ACBD3: variants seen among roughly 807,000 people sequenced by gnomAD.
The protein encoded by ACBD3 is Golgi resident protein GCP60.
In ACBD3, 30 loss-of-function variants were observed where a neutral mutation model predicts 66.9. The observed-to-expected ratio is 0.45, with a 90% CI of 0.34 to 0.61. The LOEUF is 0.61. ACBD3 is among the 20% of genes least tolerant of loss of function. The pLI, the probability that ACBD3 is intolerant of heterozygous loss-of-function variation, is 0.02. For missense variants in ACBD3, 544 were observed against 664.5 expected (o/e 0.82, Z 1.99); for synonymous variants, 278 against 259.8 (o/e 1.07, Z -0.68).
intron 7 of ACBD3, among the ~76,000 whole-genome samples, chr1:226,148,509 C>T (rs1337948416): frequency 6.6e-6 from 1 of 152,190 alleles, no homozygotes; most frequent in Non-Finnish European, 1.5e-5. Context: ...CTATTGTTGA[C>T]ATCCAAGAAA....
rs571889808 is a variant in ACBD3 at position 226,151,575 on chromosome 1, T to A, written c.1375+760A>T. On this transcript the variant is annotated intron_variant, in intron 7 of 7. Transcript: ENST00000366812. ...TTTCCAAATGGAAAAATAATTGAAATTTTTTTAAGTGGACTATTCTGGTGA... is the reference window on the plus strand; with the variant it reads ...TTTCCAAATGGAAAAATAATTGAAAATTTTTTAAGTGGACTATTCTGGTGA... 1.4e-4 allele frequency among the ~76,000 whole-genome samples: 22 copies of A among 152,312 alleles called. No homozygotes were observed. The South Asian group carries it at 3.7e-3, about 26-fold the overall frequency.
At chr1:226,181,086 A>G (rs1449820237) in intron 1 of ACBD3, among the ~76,000 whole-genome samples, 1 of 151,954 alleles carries the variant, frequency 6.6e-6, no homozygotes, top group Non-Finnish European at 1.5e-5. Context: ...CTCAAATTTA[A>G]CATGAACTTG....
In ACBD3 at chr1:226,186,412, G is replaced by A. The variant is rs1246181662; in HGVS notation, c.264C>T (p.Gly88=). ...CACCTTTGAAGAAGCGCAGTGCCAGGCCGTACAACTCCTCCAGGCCGAAAC... is the reference window on the plus strand; with the variant it reads ...CACCTTTGAAGAAGCGCAGTGCCAGACCGTACAACTCCTCCAGGCCGAAAC... The part of the protein sequence containing the change: ...RWGFGLEELY[G]LALRFFKEKD... Residue 88 remains glycine (G), a synonymous_variant, in exon 1 of 8, where the codon GGC becomes GGT. Coordinates refer to ENST00000366812, the MANE Select transcript of ACBD3 (RefSeq NM_022735.4). The A allele has an allele frequency of 2.0e-6, 3 of 1,524,028 alleles. No homozygotes were observed. The Admixed American group carries it at 6.1e-5, about 31-fold the overall frequency. The allele number at this position is 1,524,028 out of a possible 1,614,324, so 94.4% of individuals were successfully genotyped here.
Position 226,159,351 on chromosome 1 carries a change from T to C in ACBD3, c.736A>G (p.Ile246Val). 1.2e-6 allele frequency: 2 copies of C among 1,614,146 alleles called. No individual in the cohort carries two copies. Among genetic ancestry groups the C allele is most frequent in the African/African-American group, 2.7e-5 (2 of 75,048 alleles). Residue 246 changes from isoleucine to valine, a missense_variant, in exon 5 of 8, where the codon ATA (isoleucine) becomes GTA (valine). Transcript: ENST00000366812. ...RLRLEQQKQQ[I>V]MAALNSQTAV... ...GTCTGGGAGTTTAAAGCTGCCATTA[T>C]CTGCTGCCTAAAAACATTAAAAATA...
intron 1 of ACBD3, among the ~76,000 whole-genome samples, chr1:226,169,085 A>G (rs1049852697): frequency 6.6e-6 from 1 of 151,892 alleles, no homozygotes; most frequent in African/African-American, 2.4e-5. Context: ...CTGGTCTCCA[A>G]CTTCTGACCT....
At chr1:226,151,765 T>C (rs1659576577) in intron 7 of ACBD3, among the ~76,000 whole-genome samples, 1 of 152,158 alleles carries the variant, frequency 6.6e-6, no homozygotes, top group South Asian at 2.1e-4. Flanking sequence ...CCCAGCACTT[T>C]GGGAGGCCGA....
In ACBD3 at chr1:226,146,943, G is replaced by A. The variant is rs574740995; in HGVS notation, c.1376-122C>T. The A allele has an allele frequency of 2.3e-5, 21 of 910,450 alleles. No individual in the cohort carries two copies. In the East Asian group the frequency reaches 5.3e-4, roughly 23 times the overall value. 56.4% of individuals were successfully genotyped at this position (910,450 alleles called of 1,614,324 possible). A position where few individuals can be genotyped will look rare whatever the true frequency, so the allele number is the denominator to read the frequency against. The stretch of plus-strand genomic sequence containing the variant: ...GTCTTGCTCTGTCACCCAGGATGGA[G>A]TGCAGCGGCGTGATCTCAGCTCATT... On this transcript the variant is annotated intron_variant, in intron 7 of 7. Transcript: ENST00000366812.
chr1:226,175,985 G>C (rs892885281), intron 1 of ACBD3, among the ~76,000 whole-genome samples: 2 of 152,198 alleles, frequency 1.3e-5, no homozygotes, highest in African/African-American at 4.8e-5. Flanking sequence ...TACTTGCAAA[G>C]GCAGAATTAA....
intron 1 of ACBD3, among the ~76,000 whole-genome samples, chr1:226,178,489 G>A (rs1162228921): frequency 1.4e-5 from 2 of 146,916 alleles, no homozygotes; most frequent in Non-Finnish European, 3.0e-5. Flanking sequence ...GCAGGAGAAT[G>A]GCGTGAACCC....
intron 1 of ACBD3, among the ~76,000 whole-genome samples, chr1:226,169,747 C>T (rs1429468776): frequency 6.7e-6 from 1 of 149,998 alleles, no homozygotes; most frequent in African/African-American, 2.5e-5. Context: ...AGCAGCCGGG[C>T]ACAGTGGCTC....
chr1:226,165,363 G>A (rs1659857321), intron 2 of ACBD3, among the ~76,000 whole-genome samples: 1 of 151,992 alleles, frequency 6.6e-6, no homozygotes, highest in Non-Finnish European at 1.5e-5. Flanking sequence ...TAGAGATGGG[G>A]TTTTACTATG....
At position 226,146,121 on chromosome 1, in the gene ACBD3, A is replaced by G. The variant is rs563745411; in HGVS notation, c.*489T>C. Reference sequence around the variant, plus strand: ...TCAAACTGAGGCCATTTCTTTTTCTATTATAATCTGTGAGGTGTTGAGTTT... The same window carrying G: ...TCAAACTGAGGCCATTTCTTTTTCTGTTATAATCTGTGAGGTGTTGAGTTT... On this transcript the variant is annotated 3_prime_UTR_variant, in exon 8 of 8. Coordinates refer to ENST00000366812, the MANE Select transcript of ACBD3 (RefSeq NM_022735.4). 1 of 154,648 alleles carries G rather than the reference A, an allele frequency of 6.5e-6. No individual in the cohort carries two copies. The highest frequency in any genetic ancestry group is 1.9e-4 in the East Asian group (1 of 5,214). 9.6% of individuals were successfully genotyped at this position (154,648 alleles called of 1,614,324 possible). A position where few individuals can be genotyped will look rare whatever the true frequency, so the allele number is the denominator to read the frequency against.
chr1:226,170,333 A>ATT (rs71574563), intron 1 of ACBD3, among the ~76,000 whole-genome samples: 10,868 of 109,740 alleles, frequency 0.099, 699 homozygotes, highest in South Asian at 0.14. Context: ...AATTTTTTGA[A>ATT]TTTTTTTTTT....
chr1:226,156,237 C>A (rs1207789749), intron 5 of ACBD3, among the ~76,000 whole-genome samples: 1 of 152,166 alleles, frequency 6.6e-6, no homozygotes, highest in Non-Finnish European at 1.5e-5. Flanking sequence ...ATTTGCTTTG[C>A]CTATTTTAAA....
chr1:226,156,995 ACT>A (rs1237067472), intron 5 of ACBD3, among the ~76,000 whole-genome samples: 6 of 152,124 alleles, frequency 3.9e-5, no homozygotes, highest in South Asian at 4.1e-4. Flanking sequence ...ATATTTCCAT[ACT>A]CTCTTCCTGT....
At chr1:226,178,663 C>A (rs1656105239) in intron 1 of ACBD3, among the ~76,000 whole-genome samples, 1 of 151,324 alleles carries the variant, frequency 6.6e-6, no homozygotes, top group African/African-American at 2.4e-5. Context: ...TCTCTGGAGG[C>A]AAAGGAAAGT....
At chr1:226,171,048 G>C (rs189102035) in intron 1 of ACBD3, among the ~76,000 whole-genome samples, 16 of 152,288 alleles carry the variant, frequency 1.1e-4, no homozygotes, top group African/African-American at 1.4e-4. Context: ...AAAGTGCTGG[G>C]ATTATAGACA....
At chr1:226,179,522 C>T (rs574302496) in intron 1 of ACBD3, among the ~76,000 whole-genome samples, 1 of 152,250 alleles carries the variant, frequency 6.6e-6, no homozygotes, top group South Asian at 2.1e-4. Flanking sequence ...CACACTGTTG[C>T]CTCACAGAGA....
chr1:226,154,798 A>G lies in ACBD3; in HGVS notation c.939T>C (p.Ala313=), dbSNP rs1172267882. The change falls in exon 6 of 8, where the codon GCT becomes GCC. Residue 313 remains alanine (A), a synonymous_variant. Transcript: ENST00000366812. The part of the protein sequence containing the change: ...ALQKQQEVVV[A]GSSLPTSSKV... ...TTGATGATGTAGGCAAGGAAGACCC[A>G]GCCACTACTACTTCCTGTTGTTTCT... 1 of 1,612,160 alleles carries G rather than the reference A, an allele frequency of 6.2e-7. No individual in the cohort carries two copies. The highest frequency in any genetic ancestry group is 1.1e-5 in the South Asian group (1 of 90,688).
Sources: allele counts gnomAD v4.1 joint callset (sites outside exome capture counted in the v4.1 genomes callset), GRCh38; gene constraint gnomAD v4.1.1; transcripts MANE v1.5; gene names NCBI Gene and HGNC (gene_info 2026-07-23, HGNC 2026-07-21).